Variants in CLDN16 observed in about 807,000 individuals in gnomAD.
The protein encoded by CLDN16 is claudin-16.
In CLDN16, 13 loss-of-function variants were observed where a neutral mutation model predicts 24.6. That is an observed-to-expected ratio of 0.53 (90% CI 0.34 to 0.84). The LOEUF is 0.84. CLDN16 is among the 40% of genes least tolerant of loss of function. The pLI is 0.01. For synonymous variants in CLDN16, 116 were observed against 106.7 expected (o/e 1.09, Z -0.54); for missense variants, 298 against 292.7 (o/e 1.02, Z -0.13).
upstream of CLDN16, chr3:190,322,346 C>T: frequency 1.3e-6 from 1 of 783,388 alleles, no homozygotes; most frequent in Non-Finnish European, 2.1e-6. Flanking sequence ...GCTGCGCCGC[C>T]GCTGGAGAAG....
In CLDN16 at chr3:190,412,106, A is replaced by T. The variant is rs575625746; in HGVS notation, c.*2070A>T. On this transcript the variant is annotated 3_prime_UTR_variant, in exon 5 of 5. Coordinates refer to ENST00000264734, the MANE Select transcript of CLDN16 (RefSeq NM_006580.4). ...TAATGGATATGTGTGACTGTTTTGA[A>T]TTTTTTTCTCAATTAAAACATTTTG... The T allele has an allele frequency of 6.6e-6, 1 of 152,152 alleles. No homozygotes were observed. Among genetic ancestry groups the T allele is most frequent in the East Asian group, 1.9e-4 (1 of 5,184 alleles). 9.4% of individuals were successfully genotyped at this position (152,152 alleles called of 1,614,324 possible).
chr3:190,391,919 G>A (rs1191710761), intron 1 of CLDN16, among the ~76,000 whole-genome samples: 1 of 152,006 alleles, frequency 6.6e-6, no homozygotes, highest in Non-Finnish European at 1.5e-5. Flanking sequence ...AGAGAATTTG[G>A]GTTTTGAGAT....
upstream of CLDN16, chr3:190,387,839 A>G: frequency 6.4e-6 from 3 of 466,334 alleles, no homozygotes; most frequent in Middle Eastern, 6.2e-4. Context: ...AAATAGTCCT[A>G]ACAATAAAAT....
intron 1 of CLDN16, among the ~76,000 whole-genome samples, chr3:190,322,959 T>TA (rs1300094406): frequency 3.3e-5 from 5 of 149,780 alleles, no homozygotes; most frequent in Non-Finnish European, 7.4e-5. Flanking sequence ...CAGAGACTTT[T>TA]ACACTCTACA....
chr3:190,312,937 A>G, the CLDN16 span: 2 of 1,614,192 alleles, frequency 1.2e-6, no homozygotes, highest in Admixed American at 1.7e-5. Context: ...ATCGTCTTCC[A>G]AGCACTTCAT....
chr3:190,347,227 T>C (rs1244405085), intron 1 of CLDN16, among the ~76,000 whole-genome samples: 1 of 152,190 alleles, frequency 6.6e-6, no homozygotes. Context: ...ATGATTCTGA[T>C]AAATATTTTT....
At chr3:190,399,279 G>A (rs1310677862) in intron 1 of CLDN16, among the ~76,000 whole-genome samples, 1 of 152,108 alleles carries the variant, frequency 6.6e-6, no homozygotes, top group Admixed American at 6.5e-5. Context: ...CGAGGTGGGC[G>A]GATCACCTGA....
upstream of CLDN16, among the ~76,000 whole-genome samples, chr3:190,386,611 T>C (rs562286095): frequency 7.9e-4 from 121 of 152,326 alleles, no homozygotes; most frequent in Non-Finnish European, 1.6e-3. Context: ...GTGTTCAATT[T>C]ACCACTGATG....
intron 1 of CLDN16, among the ~76,000 whole-genome samples, chr3:190,359,328 A>G (rs974002395): frequency 6.6e-6 from 1 of 151,952 alleles, no homozygotes; most frequent in African/African-American, 2.4e-5. Context: ...TCCAAATTTG[A>G]CTCTCTTAAT....
intron 2 of CLDN16, among the ~76,000 whole-genome samples, chr3:190,404,043 A>T (rs1476606631): frequency 1.3e-5 from 2 of 152,158 alleles, no homozygotes; most frequent in African/African-American, 2.4e-5. Flanking sequence ...TTCCTTTTTC[A>T]TCTTTGACCT....
chr3:190,341,296 G>A (rs1381871245), intron 1 of CLDN16, among the ~76,000 whole-genome samples: 1 of 152,176 alleles, frequency 6.6e-6, no homozygotes, highest in Non-Finnish European at 1.5e-5. Flanking sequence ...CTTCTGCCTG[G>A]ATATCAAGGT....
At chr3:190,341,921 CTT>C (rs907233366) in intron 1 of CLDN16, among the ~76,000 whole-genome samples, 2 of 152,240 alleles carry the variant, frequency 1.3e-5, no homozygotes, top group African/African-American at 2.4e-5. Context: ...CTGCCAGTCT[CTT>C]TGCTAAAACA....
At chr3:190,295,086 G>A in the CLDN16 span, among the ~76,000 whole-genome samples, 2 of 151,962 alleles carry the variant, frequency 1.3e-5, no homozygotes, top group Non-Finnish European at 2.9e-5. Flanking sequence ...CAGTATTATA[G>A]GCAAGACACG....
chr3:190,315,929 T>C, the CLDN16 span, among the ~76,000 whole-genome samples: 4 of 152,192 alleles, frequency 2.6e-5, no homozygotes, highest in Admixed American at 6.5e-5. Flanking sequence ...TCCAGGGCCC[T>C]TACTGCACCC....
At chr3:190,344,904 G>T (rs920171781) in intron 1 of CLDN16, among the ~76,000 whole-genome samples, 1 of 152,036 alleles carries the variant, frequency 6.6e-6, no homozygotes, top group Non-Finnish European at 1.5e-5. Context: ...CACACAGATC[G>T]ATTCAGAGGA....
At chr3:190,392,717 T>C (rs1718711624) in intron 1 of CLDN16, among the ~76,000 whole-genome samples, 1 of 152,134 alleles carries the variant, frequency 6.6e-6, no homozygotes, top group African/African-American at 2.4e-5. Flanking sequence ...GCTCAGGAAA[T>C]GGCAGGAACT....
At chr3:190,336,706 G>T (rs1057279941) in intron 1 of CLDN16, among the ~76,000 whole-genome samples, 1 of 152,100 alleles carries the variant, frequency 6.6e-6, no homozygotes, top group African/African-American at 2.4e-5. Context: ...CCAACAGAAG[G>T]GTTTCATAAC....
At chr3:190,370,839 A>T (rs978410324) in intron 1 of CLDN16, 4 of 151,674 alleles carry the variant, frequency 2.6e-5, no homozygotes, top group African/African-American at 9.7e-5. Context: ...GCAGAAAAAT[A>T]TGAAAAGGCT....
rs141854157 is a variant in CLDN16, at chr3:190,371,016, T to TTATATATATATATATATATATATATATA, written n.230+39_230+40insTATATATATATATATATATATATATATA. 13 of 13,856 alleles carry TTATATATATATATATATATATATATATA rather than the reference T, an allele frequency of 9.4e-4. No homozygotes were observed. In the South Asian group the frequency reaches 0.016, roughly 17 times the overall value. The allele number at this position is 13,856 out of a possible 1,614,324, so 0.9% of individuals were successfully genotyped here. A position where few individuals can be genotyped will look rare whatever the true frequency, so the allele number is the denominator to read the frequency against. On this transcript the variant is annotated intron_variant and non_coding_transcript_variant, in intron 2 of 4. Coordinates refer to the CLDN16 transcript ENST00000468220. ...CTTGTGATCATGTGAGTTAATACCT[T>TTATATATATATATATATATATATATATA]TATATATATATATATATATATATAA...
Sources: gnomAD v4.1 joint callset for allele counts (sites outside exome capture counted in the v4.1 genomes callset) on GRCh38, gnomAD v4.1.1 for gene constraint, MANE v1.5 for transcripts, NCBI Gene and HGNC (gene_info 2026-07-23, HGNC 2026-07-21) for gene names.